The following PARP16 variants were observed in gnomAD, a reference collection of about 807,000 sequenced individuals.
PARP16 encodes poly(ADP-ribose) polymerase family member 16.
PARP16 carries 31 observed loss-of-function variants against 35.0 expected under a neutral mutation model. That is an observed-to-expected ratio of 0.88 (90% CI 0.66 to 1.19). PARP16 has a LOEUF of 1.19. Among genes scored for constraint, PARP16 ranks in the 50% most tolerant of loss-of-function variants. The probability of loss-of-function intolerance (pLI) is 0.00; values close to 1 mark genes in which losing one functional copy is unlikely to be tolerated. For missense variants in PARP16, 424 were observed against 411.2 expected, an observed-to-expected ratio of 1.03 and a Z score of -0.27; for synonymous variants, 162 against 169.5, an observed-to-expected ratio of 0.96 and a Z score of 0.34.
At chr15:65,265,698 A>G (rs2089864746) in intron 3 of PARP16, among the ~76,000 whole-genome samples, 1 of 152,102 alleles carries the variant, frequency 6.6e-6, no homozygotes, top group African/African-American at 2.4e-5. Flanking sequence ...GACCTTGTTA[A>G]AGTGTGGATT....
At chr15:65,264,572 C>CA (rs1382396082) in intron 3 of PARP16, among the ~76,000 whole-genome samples, 1 of 152,158 alleles carries the variant, frequency 6.6e-6, no homozygotes, top group Non-Finnish European at 1.5e-5. Flanking sequence ...AGCTCTTTGC[C>CA]AAGTTAGGCA....
At chr15:65,261,810 A>C (rs1250515669) in intron 4 of PARP16, among the ~76,000 whole-genome samples, 1 of 152,126 alleles carries the variant, frequency 6.6e-6, no homozygotes, top group African/African-American at 2.4e-5. Context: ...TAGAACATTT[A>C]TCTTCCACCC....
downstream of PARP16, among the ~76,000 whole-genome samples, chr15:65,254,866 T>G (rs1489477982): frequency 6.6e-6 from 1 of 152,142 alleles, no homozygotes; most frequent in Non-Finnish European, 1.5e-5. Flanking sequence ...CAGAACAACT[T>G]CCCCTATTCT....
At chr15:65,248,165 AC>A (rs374701157) in exon 3 of PARP16, 110 of 456,252 alleles carry the variant, frequency 2.4e-4, no homozygotes, top group African/African-American at 2.0e-3. Context: ...TCCTGGGCCC[AC>A]CCTTTAGATG....
At chr15:65,257,139 G>A (rs28717006), downstream of PARP16, among the ~76,000 whole-genome samples, 37,180 of 151,972 alleles carry the variant, frequency 0.24, 4,903 homozygotes, top group African/African-American at 0.31. Flanking sequence ...AAAAATGGCC[G>A]GGCATGGTGG....
intron 3 of PARP16, among the ~76,000 whole-genome samples, chr15:65,240,308 G>GTC (rs1169550969): frequency 1.4e-5 from 1 of 72,862 alleles, no homozygotes; most frequent in Non-Finnish European, 3.3e-5. Context: ...GTGTGTGTGT[G>GTC]TGGTGGGGGG....
At chr15:65,262,530 C>A (rs577862337) in intron 4 of PARP16, among the ~76,000 whole-genome samples, 4 of 152,278 alleles carry the variant, frequency 2.6e-5, no homozygotes, top group African/African-American at 9.6e-5. Flanking sequence ...GGCAAATAGT[C>A]TCAGGGACAC....
At position 65,269,345 on chromosome 15, in the gene PARP16, C is replaced by T. The variant is rs759390320; in HGVS notation, c.312+1590G>A. Among the ~76,000 whole-genome samples, 133 of 152,100 alleles carry T rather than the reference C, an allele frequency of 8.7e-4. 1 individual carries two copies. The highest frequency in any genetic ancestry group is 3.4e-3 in the Middle Eastern group (1 of 294). On this transcript the variant is annotated intron_variant, in intron 2 of 5. Coordinates refer to ENST00000649807, the MANE Select transcript of PARP16 (RefSeq NM_001316943.2). ...CCACGTAGCTGGGATTACAGGCTCC[C>T]GCCACCATGCCCAGCTAAGTTTTTG...
chr15:65,252,004 T>G (rs533933375), intron 2 of PARP16, among the ~76,000 whole-genome samples: 1 of 152,232 alleles, frequency 6.6e-6, no homozygotes, highest in East Asian at 1.9e-4. Flanking sequence ...GACCTCGTGA[T>G]CCACCCGCCT....
intron 2 of PARP16, among the ~76,000 whole-genome samples, chr15:65,270,259 C>A (rs142266767): frequency 6.6e-6 from 1 of 152,216 alleles, no homozygotes; most frequent in Non-Finnish European, 1.5e-5. Context: ...GCAAGGTAAA[C>A]CAAATTATGG....
chr15:65,231,195 G>A (rs2088775298), downstream of PARP16, among the ~76,000 whole-genome samples: 1 of 151,832 alleles, frequency 6.6e-6, no homozygotes, highest in African/African-American at 2.4e-5. Flanking sequence ...GCCTAGATAT[G>A]CCTCTTGTGA....
chr15:65,253,896 C>A (rs1290510123), downstream of PARP16, among the ~76,000 whole-genome samples: 2 of 152,160 alleles, frequency 1.3e-5, no homozygotes, highest in Non-Finnish European at 2.9e-5. Context: ...CAGCTTACTG[C>A]AACCTCTGCC....
Position 65,259,171 on chromosome 15 carries a change from C to G in PARP16, c.*236G>C, listed in dbSNP as rs969440799. 3 of 508,138 alleles carry G rather than the reference C, an allele frequency of 5.9e-6. No individual in the cohort carries two copies. Among genetic ancestry groups the G allele is most frequent in the African/African-American group, 5.7e-5 (3 of 52,984 alleles). The allele number at this position is 508,138 out of a possible 1,614,324, so 31.5% of individuals were successfully genotyped here. On this transcript the variant is annotated 3_prime_UTR_variant, in exon 6 of 6. Transcript: ENST00000649807. The stretch of plus-strand genomic sequence containing the variant: ...CTCCCTAGGACAGTTTAAGAAGGAG[C>G]AGATGGAAGGACTCCCCTAAAACCT...
chr15:65,282,731 C>T (rs1260472304), intron 1 of PARP16: 2 of 152,124 alleles, frequency 1.3e-5, no homozygotes, highest in Non-Finnish European at 2.9e-5. Context: ...TACAATAAAC[C>T]CCATGGGAGG....
At chr15:65,270,809 AG>A in intron 2 of PARP16, 125 bp downstream of exon 2, 1 of 897,154 alleles carries the variant, frequency 1.1e-6, no homozygotes, top group Non-Finnish European at 1.8e-6. Context: ...GGTGAGGACC[AG>A]GACTCTGCAT....
chr15:65,261,306 C>T (rs2089704996), intron 4 of PARP16, among the ~76,000 whole-genome samples: 2 of 151,164 alleles, frequency 1.3e-5, no homozygotes, highest in Non-Finnish European at 2.9e-5. Context: ...AAATTGATGG[C>T]CATAGCAAAG....
At chr15:65,249,990 A>G (rs2140771796) in intron 2 of PARP16, among the ~76,000 whole-genome samples, 1 of 152,188 alleles carries the variant, frequency 6.6e-6, no homozygotes, top group East Asian at 1.9e-4. Flanking sequence ...CAGTCTGGAA[A>G]GGGAACTCGT....
intron 1 of PARP16, among the ~76,000 whole-genome samples, chr15:65,274,441 G>T (rs1394637903): frequency 1.3e-5 from 2 of 152,020 alleles, no homozygotes; most frequent in Non-Finnish European, 2.9e-5. Context: ...TCCAGGCGTG[G>T]TGGTGTACAC....
chr15:65,269,137 C>T (rs1172314841), intron 2 of PARP16, among the ~76,000 whole-genome samples: 1 of 151,122 alleles, frequency 6.6e-6, no homozygotes, highest in Non-Finnish European at 1.5e-5. Context: ...CAAGACAAGC[C>T]AGGACAATGG....
Sources: gnomAD v4.1 joint callset for allele counts (sites outside exome capture counted in the v4.1 genomes callset) on GRCh38, gnomAD v4.1.1 for gene constraint, MANE v1.5 for transcripts, NCBI Gene and HGNC (gene_info 2026-07-23, HGNC 2026-07-21) for gene names.